The following VPS4B variants were observed in gnomAD, a reference collection of about 807,000 sequenced individuals.
VPS4B encodes vacuolar protein sorting 4 homolog B, also known as vacuolar protein sorting-associated protein 4B.
VPS4B carries 23 observed loss-of-function variants against 56.1 expected under a neutral mutation model. The ratio of observed to expected loss-of-function variants is 0.41; its 90% CI spans 0.30 to 0.58. VPS4B has a LOEUF of 0.58. Ranked by LOEUF, VPS4B falls within the 20% of genes least tolerant of loss-of-function variation. VPS4B has a pLI of 0.29. For synonymous variants in VPS4B, 177 were observed against 186.0 expected (o/e 0.95, Z 0.39); for missense variants, 372 against 531.9 (o/e 0.70, Z 2.96).
chr18:63,398,204 C>CACACACACATATATATATATATAT (rs1298374245), intron 8 of VPS4B, among the ~76,000 whole-genome samples: 8 of 112,482 alleles, frequency 7.1e-5, no homozygotes, highest in African/African-American at 2.6e-4. Flanking sequence ...CACACACACA[C>CACACACACATATATATATATATAT]ATATATATAT....
rs1183371398 is a variant in VPS4B, at chr18:63,410,445, A to C, written c.141T>G (p.Tyr47Ter). ...AVQYFLHVVK[Y>*]EAQGDKAKQS... ...GCTTGGCTTTATCACCCTGTGCTTC[A>C]TCTATTAAAGGGAAATGAGAGAGAT... Residue 47 changes from tyrosine (Y) to a stop codon, truncating the protein, a stop_gained and splice_region_variant, in exon 3 of 11, where the codon TAT becomes TAG. Transcript: ENST00000238497. LOFTEE classifies it high-confidence loss of function. The C allele has an allele frequency of 6.2e-7, 1 of 1,612,090 alleles. No homozygotes were observed. The highest frequency in any genetic ancestry group is 1.7e-5 in the Admixed American group (1 of 59,814).
chr18:63,402,134 A>C (rs1445900716), intron 5 of VPS4B, among the ~76,000 whole-genome samples: 1 of 152,206 alleles, frequency 6.6e-6, no homozygotes, highest in Non-Finnish European at 1.5e-5. Context: ...TGTTACTTGA[A>C]TTTCATTTTC....
intron 5 of VPS4B, 130 bp from the exon 6 acceptor site, chr18:63,400,833 C>T: frequency 1.1e-6 from 1 of 927,842 alleles, no homozygotes; most frequent in Non-Finnish European, 1.6e-6. Flanking sequence ...AAAAATAAAT[C>T]AATCTAAGGT....
intron 1 of VPS4B, among the ~76,000 whole-genome samples, chr18:63,414,086 G>A (rs557324849): frequency 6.6e-6 from 1 of 152,274 alleles, no homozygotes; most frequent in South Asian, 2.1e-4. Flanking sequence ...ACTCCAGCCT[G>A]GGTGACAGAG....
chr18:63,409,607 A>T (rs1915989570), intron 3 of VPS4B, among the ~76,000 whole-genome samples: 1 of 152,230 alleles, frequency 6.6e-6, no homozygotes, highest in Admixed American at 6.5e-5. Context: ...TGGCACGCAT[A>T]TGTCATGTAC....
intron 8 of VPS4B, among the ~76,000 whole-genome samples, chr18:63,398,135 T>TTAGA (rs150660277): frequency 6.6e-6 from 1 of 151,298 alleles, no homozygotes; most frequent in East Asian, 1.9e-4. Flanking sequence ...AACTTAAAAA[T>TTAGA]TAGATAGATA....
chr18:63,397,003 A>AAT (rs71162634), intron 9 of VPS4B, 31 bp downstream of exon 9: 7 of 1,583,352 alleles, frequency 4.4e-6, no homozygotes, highest in Non-Finnish European at 4.3e-6. Flanking sequence ...AAAAAAAAAA[A>AAT]GATAGGAAAG....
chr18:63,412,067 CAT>C (rs1206926498), intron 1 of VPS4B, among the ~76,000 whole-genome samples: 1 of 152,158 alleles, frequency 6.6e-6, no homozygotes, highest in Admixed American at 6.5e-5. Flanking sequence ...GAAAAATACT[CAT>C]ATATTTCAAT....
intron 3 of VPS4B, among the ~76,000 whole-genome samples, chr18:63,409,512 G>T (rs1188200665): frequency 6.6e-6 from 1 of 152,194 alleles, no homozygotes; most frequent in African/African-American, 2.4e-5. Flanking sequence ...TCTTAAGGGT[G>T]TGTTACCTGG....
intron 2 of VPS4B, 52 bp downstream of exon 2, chr18:63,411,415 G>T: frequency 7.7e-7 from 1 of 1,300,106 alleles, no homozygotes; most frequent in South Asian, 1.9e-5. Flanking sequence ...AAATGAAACA[G>T]AATAAATTTT....
chr18:63,412,278 A>G (rs1324104006), intron 1 of VPS4B, among the ~76,000 whole-genome samples: 1 of 152,236 alleles, frequency 6.6e-6, no homozygotes, highest in Non-Finnish European at 1.5e-5. Context: ...GCAGGACACA[A>G]CTTTTTATAT....
At chr18:63,407,565 GAAAAATT>G in intron 3 of VPS4B, 66 bp from the exon 4 acceptor site, 1 of 1,277,900 alleles carries the variant, frequency 7.8e-7, no homozygotes, top group Non-Finnish European at 1.1e-6. Context: ...AAAAATGAAG[GAAAAATT>G]AACCTGAAAT....
chr18:63,411,642 A>T, intron 1 of VPS4B, 64 bp from the exon 2 acceptor site: 1 of 1,248,324 alleles, frequency 8.0e-7, no homozygotes, highest in Non-Finnish European at 1.1e-6. Flanking sequence ...TGAAGTAAAT[A>T]ATCATACTGA....
chr18:63,393,716 G>T, intron 9 of VPS4B, 167 bp from the exon 10 acceptor site: 1 of 732,324 alleles, frequency 1.4e-6, no homozygotes, highest in Non-Finnish European at 2.0e-6. Flanking sequence ...TTATCCCCTG[G>T]GTAATGGGAT....
At chr18:63,402,556 C>T (rs1434198585) in intron 5 of VPS4B, among the ~76,000 whole-genome samples, 3 of 152,102 alleles carry the variant, frequency 2.0e-5, no homozygotes, top group African/African-American at 7.2e-5. Context: ...TTATGCTATA[C>T]TCTAGTAAAA....
At chr18:63,398,796 C>A (rs989415175) in intron 8 of VPS4B, among the ~76,000 whole-genome samples, 1 of 151,040 alleles carries the variant, frequency 6.6e-6, no homozygotes, top group Non-Finnish European at 1.5e-5. Context: ...GATCGCACCA[C>A]CGCACTCCAG....
Position 63,422,337 on chromosome 18 carries a change from G to GTAAC in VPS4B, c.-82_-79dup. ...GCAGCAACGTCGAAGCGCGCACGGG[G>GTAAC]TAACAGCCCTCAAACTGGGGAGGCC... On this transcript the variant is annotated 5_prime_UTR_variant, in exon 1 of 11. Coordinates refer to ENST00000238497, the MANE Select transcript of VPS4B (RefSeq NM_004869.4). 1 of 1,364,042 alleles carries GTAAC rather than the reference G, an allele frequency of 7.3e-7. No homozygotes were observed. Among genetic ancestry groups the GTAAC allele is most frequent in the Admixed American group, 3.3e-5 (1 of 30,332 alleles). The allele number at this position is 1,364,042 out of a possible 1,614,324, so 84.5% of individuals were successfully genotyped here.
chr18:63,417,490 T>C (rs1916194710), intron 1 of VPS4B, among the ~76,000 whole-genome samples: 1 of 152,142 alleles, frequency 6.6e-6, no homozygotes, highest in South Asian at 2.1e-4. Context: ...CCCACCATTC[T>C]GGCTCCTCCT....
chr18:63,411,388 A>G (rs914791606), intron 2 of VPS4B, 79 bp downstream of exon 2: 33 of 1,031,988 alleles, frequency 3.2e-5, no homozygotes, highest in African/African-American at 1.5e-4. Flanking sequence ...GTCTGGCATT[A>G]TATTTCAATT....
Sources: gnomAD v4.1 joint callset for allele counts (sites outside exome capture counted in the v4.1 genomes callset) on GRCh38, gnomAD v4.1.1 for gene constraint, MANE v1.5 for transcripts, NCBI Gene and HGNC (gene_info 2026-07-23, HGNC 2026-07-21) for gene names.